The following CFAP74 variants were observed in gnomAD, a reference collection of about 807,000 sequenced individuals.
The protein encoded by CFAP74 is cilia- and flagella-associated protein 74.
Under a neutral mutation model 188.9 loss-of-function variants are expected in CFAP74, and 124 were observed. The ratio of observed to expected loss-of-function variants is 0.66; its 90% confidence interval spans 0.57 to 0.76. The LOEUF is 0.76. CFAP74 is among the 30% of genes least tolerant of loss of function. The pLI is 0.00. For missense variants in CFAP74, 2,198 were observed against 2,165.2 expected (o/e 1.02, Z -0.30); for synonymous variants, 956 against 916.7 (o/e 1.04, Z -0.77).
intron 11 of CFAP74, among the ~76,000 whole-genome samples, chr1:1,967,545 G>A (rs889525104): frequency 3.9e-5 from 6 of 152,130 alleles, no homozygotes; most frequent in African/African-American, 1.2e-4. Flanking sequence ...CGGGCAGTGA[G>A]GGGTGGATGG....
At chr1:1,971,331 C>G (rs6675382) in intron 9 of CFAP74, among the ~76,000 whole-genome samples, 25 of 147,280 alleles carry the variant, frequency 1.7e-4, no homozygotes, top group East Asian at 9.6e-4. Context: ...ACTTGCACAC[C>G]TGCACACACG....
rs1456504221 is a variant in CFAP74 at position 1,988,388 on chromosome 1, C to G, written c.296+124G>C. The G allele has an allele frequency of 2.3e-5, 28 of 1,209,844 alleles. 1 individual carries two copies. The highest frequency in any genetic ancestry group is 3.3e-5 in the Non-Finnish European group (28 of 854,878). The allele number at this position is 1,209,844 out of a possible 1,614,324, so 74.9% of individuals were successfully genotyped here. Reference sequence around the variant, plus strand: ...GCAGAACTGCTCCTCCATGGAGACCCTGTGCGACCCTCCCTTGCAGGCCCT... The same window carrying G: ...GCAGAACTGCTCCTCCATGGAGACCGTGTGCGACCCTCCCTTGCAGGCCCT... On this transcript the variant is annotated intron_variant, in intron 4 of 38. Coordinates refer to ENST00000682832, the MANE Select transcript of CFAP74 (RefSeq NM_001304360.2).
intron 28 of CFAP74, 29 bp from the exon 29 acceptor site, chr1:1,927,057 C>T (rs1211312453): frequency 2.5e-5 from 39 of 1,549,578 alleles, no homozygotes; most frequent in Admixed American, 5.9e-5. Context: ...CTTGCGCTCC[C>T]GCCTTGCCCC....
In CFAP74 at chr1:1,968,738, G is replaced by A. The variant is rs375954766; in HGVS notation, c.1142C>T (p.Pro381Leu). The change falls in exon 11 of 39, where the codon CCC becomes CTC. Residue 381 changes from proline to leucine, a missense_variant. Coordinates refer to ENST00000682832, the MANE Select transcript of CFAP74 (RefSeq NM_001304360.2). This position sits in a 1 kb window ranked among gnomAD's most constrained non-coding sequence, Gnocchi z 4.3. ...CAGCCGGTGCCTGGCACTGGTGGGG[G>A]GATGCTGTTTCTTCCTCTTTTCCTC... Reference protein sequence around the residue: ...AEEEKRKKQHPPTSARHRLTL... With the variant: ...AEEEKRKKQHLPTSARHRLTL... 3.7e-6 allele frequency: 6 copies of A among 1,614,004 alleles called. No homozygotes were observed. The highest frequency in any genetic ancestry group is 3.3e-5 in the South Asian group (3 of 91,090).
chr1:1,985,100 C>A (rs904445812), intron 6 of CFAP74: 11 of 351,478 alleles, frequency 3.1e-5, no homozygotes, highest in Non-Finnish European at 5.9e-5. Flanking sequence ...CTTTGAAAAC[C>A]CAGCTCGCTG....
intron 6 of CFAP74, 93 bp downstream of exon 6, chr1:1,985,293 A>C: frequency 9.1e-7 from 1 of 1,100,258 alleles, no homozygotes; most frequent in East Asian, 2.4e-5. Context: ...CAGGTGCAAA[A>C]CCCCCCAGAT....
intron 14 of CFAP74, among the ~76,000 whole-genome samples, chr1:1,963,513 A>G (rs1655243947): frequency 7.9e-6 from 1 of 127,380 alleles, no homozygotes; most frequent in East Asian, 2.2e-4. Context: ...GAAAAACAAA[A>G]GGAAACTTGG....
intron 1 of CFAP74, among the ~76,000 whole-genome samples, chr1:1,995,407 G>A (rs1488835484): frequency 1.3e-5 from 2 of 151,744 alleles, no homozygotes; most frequent in Admixed American, 6.6e-5. Context: ...CAGGAGAATC[G>A]TTTGAACCCG....
chr1:1,973,100 G>T lies in CFAP74; in HGVS notation c.675-53C>A. The T allele has an allele frequency of 7.6e-7, 1 of 1,314,810 alleles. No homozygotes were observed. Among genetic ancestry groups the T allele is most frequent in the Non-Finnish European group, 1.1e-6 (1 of 924,930 alleles). 81.4% of individuals were successfully genotyped at this position (1,314,810 alleles called of 1,614,324 possible). On this transcript the variant is annotated intron_variant, in intron 7 of 38. Coordinates refer to ENST00000682832, the MANE Select transcript of CFAP74 (RefSeq NM_001304360.2). The surrounding 1 kb of genome is among the most constrained non-coding windows in gnomAD (Gnocchi z 6.2). ...AAACTCGGCATCACACGTCCCATCT[G>T]CCCCCAAGCCCTGCACGGCTGGAGC...
chr1:1,964,524 T>A (rs891919687), intron 13 of CFAP74, among the ~76,000 whole-genome samples: 1 of 152,248 alleles, frequency 6.6e-6, no homozygotes, highest in African/African-American at 2.4e-5. Flanking sequence ...GCGCAGTGGC[T>A]CATGCCTGCA....
intron 22 of CFAP74, among the ~76,000 whole-genome samples, chr1:1,941,796 A>T (rs1653394525): frequency 6.6e-6 from 1 of 152,218 alleles, no homozygotes. Flanking sequence ...AAACCTCTGT[A>T]CAAAAAAATG....
In CFAP74 at chr1:1,926,251, A is replaced by T. The variant is rs1193868792; in HGVS notation, c.3925T>A (p.Phe1309Ile). 3.3e-6 allele frequency: 5 copies of T among 1,524,726 alleles called. No individual in the cohort carries two copies. In the African/African-American group the frequency reaches 5.5e-5, roughly 17 times the overall value. The allele number at this position is 1,524,726 out of a possible 1,614,324, so 94.4% of individuals were successfully genotyped here. ...ACCAGGATGCTCTCGTGGGGAGAGA[A>T]GGAAAGCACCAGGACCTGGGTCCCA... ...AGGTQVLVLS[F>I]SPHESILAQE... Residue 1309 changes from phenylalanine (F) to isoleucine (I), a missense_variant, in exon 32 of 39, where the codon TTC (phenylalanine) becomes ATC (isoleucine). Coordinates refer to ENST00000682832, the MANE Select transcript of CFAP74 (RefSeq NM_001304360.2).
chr1:1,969,347 C>T (rs1311582917), intron 10 of CFAP74, among the ~76,000 whole-genome samples: 1 of 146,854 alleles, frequency 6.8e-6, no homozygotes, highest in Non-Finnish European at 1.5e-5. Flanking sequence ...CCTGCCCTGC[C>T]CAGCCCAGCC....
At position 1,971,969 on chromosome 1, in the gene CFAP74, CG is replaced by C; in HGVS notation, c.888+10del. 1 of 1,601,384 alleles carries C rather than the reference CG, an allele frequency of 6.2e-7. No individual in the cohort carries two copies. ...CCAAGGGAGAGGCTGGGTGGGGCTG[CG>C]GGGGCCTACCCGGTTCGCGGAGATG... On this transcript the variant is annotated intron_variant, in intron 9 of 38. Coordinates refer to ENST00000682832, the MANE Select transcript of CFAP74 (RefSeq NM_001304360.2).
chr1:1,966,775 A>C (rs1378597923), intron 11 of CFAP74, among the ~76,000 whole-genome samples: 1 of 152,144 alleles, frequency 6.6e-6, no homozygotes, highest in East Asian at 1.9e-4. Flanking sequence ...CTTTGATAGG[A>C]AAATGTTCTA....
At position 1,994,391 on chromosome 1, in the gene CFAP74, T is replaced by C. The variant is rs963420250; in HGVS notation, c.-19-3416A>G. ...TAGCAATCGCTTCAGAATAATTCAC[T>C]AAAAATATTTTCAGTGCCTAGCAAT... is the stretch of plus-strand genomic sequence containing the variant. On this transcript the variant is annotated intron_variant, in intron 1 of 38. Coordinates refer to ENST00000682832, the MANE Select transcript of CFAP74 (RefSeq NM_001304360.2). Among the ~76,000 whole-genome samples, 10 of 152,314 alleles carry C rather than the reference T, an allele frequency of 6.6e-5. No homozygotes were observed. In the South Asian group the frequency reaches 1.4e-3, roughly 22 times the overall value.
At chr1:1,943,065 G>A (rs566325378) in intron 21 of CFAP74, among the ~76,000 whole-genome samples, 10 of 152,308 alleles carry the variant, frequency 6.6e-5, no homozygotes, top group African/African-American at 9.6e-5. Flanking sequence ...CTCAGAGACC[G>A]CGCCCTCCCC....
At chr1:1,939,061 G>C in intron 24 of CFAP74, 73 bp from the exon 25 acceptor site, 2 of 1,440,506 alleles carry the variant, frequency 1.4e-6, no homozygotes, top group African/African-American at 2.8e-5. Context: ...AGGGCCGTGA[G>C]TGTGAGAGTA....
rs1343773383 is a variant in CFAP74 at position 1,923,822 on chromosome 1, C to T, written c.4342G>A (p.Glu1448Lys). Residue 1448 changes from glutamate to lysine, a missense_variant, in exon 35 of 39, where the codon GAA (glutamate) becomes AAA (lysine). Coordinates refer to ENST00000682832, the MANE Select transcript of CFAP74 (RefSeq NM_001304360.2). The surrounding 1 kb of genome is among the most constrained non-coding windows in gnomAD (Gnocchi z 6.3). ...DFTVTFSPDH[E>K]SLYFSDKLQV... ...AGCTTGTCGGAGAAGTAGAGGCTTTCGTGGTCGGGGCTGAAGGTGACAGTG... is the reference window on the plus strand; with the variant it reads ...AGCTTGTCGGAGAAGTAGAGGCTTTTGTGGTCGGGGCTGAAGGTGACAGTG... 10 of 1,613,366 alleles carry T rather than the reference C, an allele frequency of 6.2e-6. No individual in the cohort carries two copies. Among genetic ancestry groups the T allele is most frequent in the African/African-American group, 1.3e-5 (1 of 74,890 alleles).
Sources: allele counts gnomAD v4.1 joint callset (sites outside exome capture counted in the v4.1 genomes callset), GRCh38; gene constraint gnomAD v4.1.1; non-coding constraint Gnocchi (gnomAD v3.1); transcripts MANE v1.5; gene names NCBI Gene and HGNC (gene_info 2026-07-23, HGNC 2026-07-21).